Variants in FLNC observed in about 807,000 individuals in gnomAD.
FLNC encodes the protein filamin-C.
Under a neutral mutation model 254.3 loss-of-function variants are expected in FLNC, and 91 were observed. The observed-to-expected ratio is 0.36, with a 90% CI of 0.30 to 0.43. FLNC has a LOEUF of 0.43. FLNC is among the 20% of genes least tolerant of loss of function. The pLI is 1.00. For synonymous variants in FLNC, 1,430 were observed against 1,577.2 expected, an observed-to-expected ratio of 0.91 and a Z score of 2.21; for missense variants, 2,853 against 3,802.6, an observed-to-expected ratio of 0.75 and a Z score of 6.57.
chr7:128,842,631 G>T lies in FLNC; in HGVS notation c.2322G>T (p.Val774=). Residue 774 remains valine (V), a synonymous_variant, in exon 15 of 48, where the codon GTG becomes GTT. Coordinates refer to ENST00000325888, the MANE Select transcript of FLNC (RefSeq NM_001458.5). The surrounding 1 kb of genome is among the most constrained non-coding windows in gnomAD (Gnocchi z 5.4). The part of the protein sequence containing the change: ...PERVKVYGPG[V]EKTGLKANEP... ...GGGTAAAGGTGTACGGCCCCGGAGT[G>T]GAGAAGACAGGCCTCAAGGCCAATG... The T allele has an allele frequency of 6.4e-7, 1 of 1,551,002 alleles. No homozygotes were observed. The highest frequency in any genetic ancestry group is 8.7e-7 in the Non-Finnish European group (1 of 1,147,272).
rs928071711 is a variant in FLNC, at chr7:128,836,835, C to T, written c.602-325C>T. Among the ~76,000 whole-genome samples the T allele has an allele frequency of 6.6e-6, 1 of 152,118 alleles. No individual in the cohort carries two copies. The stretch of plus-strand genomic sequence containing the variant: ...GAAAGCTGAATGAGGCAAGAGATAG[C>T]GAGAGGGGGTACCCTCCCAGGGTTT... On this transcript the variant is annotated intron_variant, in intron 2 of 47. Transcript: ENST00000325888. The surrounding 1 kb of genome is among the most constrained non-coding windows in gnomAD (Gnocchi z 6.0).
rs375765571 is a variant in FLNC at position 128,840,986 on chromosome 7, G to A, written c.1813+16G>A. On this transcript the variant is annotated intron_variant, in intron 11 of 47. Transcript: ENST00000325888. ...GGGACACTGGGTAAGTGGCTGGGGG[G>A]CAGGAGGAGGGAGTGCTGCGGGGGA... 15 of 1,584,450 alleles carry A rather than the reference G, an allele frequency of 9.5e-6. No homozygotes were observed. The highest frequency in any genetic ancestry group is 1.3e-5 in the Non-Finnish European group (15 of 1,165,352).
In FLNC at chr7:128,842,824, C is replaced by T. The variant is rs759346552; in HGVS notation, c.2420C>T (p.Pro807Leu). The T allele has an allele frequency of 6.2e-7, 1 of 1,613,896 alleles. No individual in the cohort carries two copies. Among genetic ancestry groups the T allele is most frequent in the South Asian group, 1.1e-5 (1 of 91,090 alleles). ...GTGAGCATCGGCATCAAGTGCGCCC[C>T]AGGCGTGGTGGGCCCTGCAGAGGCT... The part of the protein sequence containing the change: ...GDVSIGIKCA[P>L]GVVGPAEADI... The change falls in exon 16 of 48, where the codon CCA becomes CTA. Residue 807 changes from proline (P) to leucine (L), a missense_variant. Pro to Leu is a moderately conservative substitution (Grantham distance 98). Transcript: ENST00000325888. The surrounding 1 kb of genome is among the most constrained non-coding windows in gnomAD (Gnocchi z 5.4).
Position 128,841,329 on chromosome 7 carries a change from T to A in FLNC, c.1973T>A (p.Ile658Asn). The A allele has an allele frequency of 6.2e-7, 1 of 1,614,002 alleles. No homozygotes were observed. Among genetic ancestry groups the A allele is most frequent in the Non-Finnish European group, 8.5e-7 (1 of 1,179,998 alleles). ...CGAGACTCACCCTTCATTGCCCACA[T>A]CCTGCCCGCCCCACCTGACTGCTTC... ...DIRDSPFIAH[I>N]LPAPPDCFPD... Residue 658 changes from isoleucine (I) to asparagine (N), a missense_variant, in exon 12 of 48, where the codon ATC (isoleucine) becomes AAC (asparagine). Around this residue, in one of 10 missense-constraint regions of FLNC, gnomAD observed 1,573 missense variants for 1,883.5 expected, o/e 0.84. Coordinates refer to ENST00000325888, the MANE Select transcript of FLNC (RefSeq NM_001458.5). The surrounding 1 kb of genome is among the most constrained non-coding windows in gnomAD (Gnocchi z 4.3).
chr7:128,849,418 G>C lies in FLNC; in HGVS notation c.5039G>C (p.Cys1680Ser), dbSNP rs552930634. Residue 1680 changes from cysteine (C) to serine (S), a missense_variant, in exon 30 of 48, where the codon TGC becomes TCC. Transcript: ENST00000325888. Reference sequence around the variant, plus strand: ...GCAGCCGGTGAGGGGAAGGTGACATGCACGGTGTCCACGCCGGATGGGGCA... The same window carrying C: ...GCAGCCGGTGAGGGGAAGGTGACATCCACGGTGTCCACGCCGGATGGGGCA... ...AKAAGEGKVT[C>S]TVSTPDGAEL... 10 of 1,614,204 alleles carry C rather than the reference G, an allele frequency of 6.2e-6. No individual in the cohort carries two copies. The South Asian group carries it at 1.1e-4, about 18-fold the overall frequency.
Position 128,846,126 on chromosome 7 carries a change from C to T in FLNC, c.3927C>T (p.Asp1309=), listed in dbSNP as rs761297336. The change falls in exon 22 of 48, where the codon GAC becomes GAT. Residue 1309 remains aspartate (D), a synonymous_variant. Transcript: ENST00000325888. ...KTDTYVTDNG[D]GTYRVQYTAY... is the part of the protein sequence containing the mutation. ...ACACCTATGTGACAGACAATGGGGA[C>T]GGCACCTACCGAGTGCAGTACACCG... The T allele has an allele frequency of 7.8e-5, 126 of 1,613,836 alleles. No homozygotes were observed. The highest frequency in any genetic ancestry group is 1.6e-4 in the Middle Eastern group (1 of 6,084).
intron 8 of FLNC, 67 bp from the exon 9 acceptor site, chr7:128,839,956 A>C: frequency 9.4e-6 from 15 of 1,589,862 alleles, no homozygotes; most frequent in Non-Finnish European, 1.3e-5. Context: ...GACTGTGCAC[A>C]GGGAGGTGGG....
chr7:128,832,221 C>A (rs1000138607), intron 1 of FLNC, among the ~76,000 whole-genome samples: 1 of 152,154 alleles, frequency 6.6e-6, no homozygotes, highest in Non-Finnish European at 1.5e-5. Flanking sequence ...CAATACTGCC[C>A]CCCCACCCCA....
chr7:128,844,907 A>G lies in FLNC; in HGVS notation c.3442A>G (p.Thr1148Ala). 6.2e-7 allele frequency: 1 copy of G among 1,613,836 alleles called. No homozygotes were observed. The highest frequency in any genetic ancestry group is 8.5e-7 in the Non-Finnish European group (1 of 1,180,030). Reference sequence around the variant, plus strand: ...CATCCCTGGCTCGCCCTTCAAAGCCACCATTCGGCCTGTGTTTGACCCGAG... The same window carrying G: ...CATCCCTGGCTCGCCCTTCAAAGCCGCCATTCGGCCTGTGTTTGACCCGAG... ...AHIPGSPFKA[T>A]IRPVFDPSKV... The change falls in exon 21 of 48, where the codon ACC (threonine) becomes GCC (alanine). Residue 1148 changes from threonine to alanine, a missense_variant. Around this residue, in one of 10 missense-constraint regions of FLNC, gnomAD observed 1,573 missense variants for 1,883.5 expected, o/e 0.84. Coordinates refer to ENST00000325888, the MANE Select transcript of FLNC (RefSeq NM_001458.5).
In FLNC at chr7:128,850,366, C is replaced by T; in HGVS notation, c.5299-18C>T. 6.2e-7 allele frequency: 1 copy of T among 1,601,816 alleles called. No homozygotes were observed. The highest frequency in any genetic ancestry group is 8.6e-7 in the Non-Finnish European group (1 of 1,168,776). ...GGGCCTTCCCCAGTCACTGACTGTT[C>T]CCTCTCACCTGCTGCAGGCCACAGA... On this transcript the variant is annotated intron_variant, in intron 31 of 47. Coordinates refer to ENST00000325888, the MANE Select transcript of FLNC (RefSeq NM_001458.5).
At position 128,851,612 on chromosome 7, in the gene FLNC, C is replaced by T. The variant is rs567779611; in HGVS notation, c.5826C>T (p.Phe1942=). The T allele has an allele frequency of 2.5e-6, 4 of 1,613,936 alleles. No individual in the cohort carries two copies. In the African/African-American group the frequency reaches 5.3e-5, roughly 21 times the overall value. Residue 1942 remains phenylalanine (F), a synonymous_variant, in exon 35 of 48, where the codon TTC becomes TTT. Transcript: ENST00000325888. Reference sequence around the variant, plus strand: ...ACAAGCACATCCCGGGGAGCCCCTTCACAGCCAAGATCACAGGTGAGGCGG... The same window carrying T: ...ACAAGCACATCCCGGGGAGCCCCTTTACAGCCAAGATCACAGGTGAGGCGG... The part of the protein sequence containing the change: ...FDDKHIPGSP[F]TAKITGDDSM...
chr7:128,835,873 G>A lies in FLNC; in HGVS notation c.601+299G>A, dbSNP rs895857900. 6.6e-6 allele frequency among the ~76,000 whole-genome samples: 1 copy of A among 152,224 alleles called. No individual in the cohort carries two copies. The highest frequency in any genetic ancestry group is 1.5e-5 in the Non-Finnish European group (1 of 68,038). On this transcript the variant is annotated intron_variant, in intron 2 of 47. Transcript: ENST00000325888. The surrounding 1 kb of genome is among the most constrained non-coding windows in gnomAD (Gnocchi z 5.3). Reference sequence around the variant, plus strand: ...TTATCCAAGATCACACAGCTTATCTGTGGCAGAACCACCTAGAGCCCAGGG... The same window carrying A: ...TTATCCAAGATCACACAGCTTATCTATGGCAGAACCACCTAGAGCCCAGGG...
rs1004199651 is a variant in FLNC, at chr7:128,835,905, C to G, written c.601+331C>G. Among the ~76,000 whole-genome samples, 2 of 152,344 alleles carry G rather than the reference C, an allele frequency of 1.3e-5. No homozygotes were observed. Among genetic ancestry groups the G allele is most frequent in the Middle Eastern group, 3.4e-3 (1 of 294 alleles). On this transcript the variant is annotated intron_variant, in intron 2 of 47. Coordinates refer to ENST00000325888, the MANE Select transcript of FLNC (RefSeq NM_001458.5). This position sits in a 1 kb window ranked among gnomAD's most constrained non-coding sequence, Gnocchi z 5.3. ...AACCACCTAGAGCCCAGGGCCTGGACTCCCTGCCCCATGAATTTTTTACTG... is the reference window on the plus strand; with the variant it reads ...AACCACCTAGAGCCCAGGGCCTGGAGTCCCTGCCCCATGAATTTTTTACTG...
chr7:128,839,054 C>A (rs1420065983), intron 8 of FLNC, among the ~76,000 whole-genome samples: 2 of 152,208 alleles, frequency 1.3e-5, no homozygotes, highest in Non-Finnish European at 2.9e-5. Flanking sequence ...CTAGGGAGTA[C>A]TGCCTGCATG....
In FLNC at chr7:128,850,594, T is replaced by C. The variant is rs1808765825; in HGVS notation, c.5398+111T>C. 31 of 1,192,732 alleles carry C rather than the reference T, an allele frequency of 2.6e-5. 1 individual carries two copies. In the South Asian group the frequency reaches 3.9e-4, roughly 15 times the overall value. The allele number at this position is 1,192,732 out of a possible 1,614,324, so 73.9% of individuals were successfully genotyped here. ...AGGCCCAGAGAGAGGAAGTGAGCTC[T>C]ACCCAGGGTCACACAGCAAGTTGGG... On this transcript the variant is annotated intron_variant, in intron 32 of 47. Transcript: ENST00000325888.
Position 128,844,728 on chromosome 7 carries a change from A to AG in FLNC, c.3268dup (p.Ala1090GlyfsTer25). ...CCCGCGCCATTCTCCATCGACACCA[A>AG]GGGGGCTGGCACAGGTGGCCTGGGG... On this transcript the variant is annotated frameshift_variant, in exon 21 of 48. Coordinates refer to ENST00000325888, the MANE Select transcript of FLNC (RefSeq NM_001458.5). LOFTEE classifies it high-confidence loss of function. 1 of 1,613,848 alleles carries AG rather than the reference A, an allele frequency of 6.2e-7. No homozygotes were observed. The highest frequency in any genetic ancestry group is 8.5e-7 in the Non-Finnish European group (1 of 1,180,010).
rs772323242 is a variant in FLNC at position 128,854,540 on chromosome 7, C to T, written c.6855C>T (p.Pro2285=). The T allele has an allele frequency of 3.1e-6, 5 of 1,607,276 alleles. No individual in the cohort carries two copies. The highest frequency in any genetic ancestry group is 4.2e-6 in the Non-Finnish European group (5 of 1,177,470). ...SVRFVPQEMG[P]HTVAVKYRGQ... Reference sequence around the variant, plus strand: ...GCTTTGTGCCCCAGGAAATGGGGCCCCATACGGTCGCTGTCAAGTACCGTG... The same window carrying T: ...GCTTTGTGCCCCAGGAAATGGGGCCTCATACGGTCGCTGTCAAGTACCGTG... The change falls in exon 41 of 48, where the codon CCC becomes CCT. Residue 2285 remains proline, a synonymous_variant. Coordinates refer to ENST00000325888, the MANE Select transcript of FLNC (RefSeq NM_001458.5).
At position 128,844,707 on chromosome 7, in the gene FLNC, C is replaced by T. The variant is rs200169573; in HGVS notation, c.3242C>T (p.Ala1081Val). ...GLKGGLVGTP[A>V]PFSIDTKGAG... ...AAGGGTGGACTGGTAGGCACCCCCG[C>T]GCCATTCTCCATCGACACCAAGGGG... Residue 1081 changes from alanine (A) to valine (V), a missense_variant, in exon 21 of 48, where the codon GCG (alanine) becomes GTG (valine). Transcript: ENST00000325888. The T allele has an allele frequency of 1.2e-4, 189 of 1,613,704 alleles. No homozygotes were observed. Among genetic ancestry groups the T allele is most frequent in the Admixed American group, 3.0e-4 (18 of 60,026 alleles).
rs749562962 is a variant in FLNC, at chr7:128,852,584, C to T, written c.5843-7C>T. 6.2e-7 allele frequency: 1 copy of T among 1,613,120 alleles called. No individual in the cohort carries two copies. Among genetic ancestry groups the T allele is most frequent in the East Asian group, 2.2e-5 (1 of 44,894 alleles). The stretch of plus-strand genomic sequence containing the variant: ...ATAGCAGCCTGATGCCCCAACTCCC[C>T]CACCAGGTGATGACTCCATGAGGAC... On this transcript the variant is annotated splice_region_variant and splice_polypyrimidine_tract_variant and intron_variant, in intron 35 of 47. Coordinates refer to ENST00000325888, the MANE Select transcript of FLNC (RefSeq NM_001458.5).
Sources: allele counts gnomAD v4.1 joint callset (sites outside exome capture counted in the v4.1 genomes callset), GRCh38; gene constraint gnomAD v4.1.1; regional missense constraint gnomAD v4.1.1; non-coding constraint Gnocchi (gnomAD v3.1); transcripts MANE v1.5; gene names NCBI Gene and HGNC (gene_info 2026-07-23, HGNC 2026-07-21).